NEGR1: variants seen among roughly 807,000 people sequenced by gnomAD.
NEGR1 encodes neuronal growth regulator 1, also known as IgLON family member 4.
A neutral mutation model predicts 40.9 loss-of-function variants in NEGR1; 10 were observed. The ratio of observed to expected loss-of-function variants is 0.24; its 90% CI spans 0.15 to 0.42. NEGR1 has a LOEUF of 0.42. Among genes scored for constraint, NEGR1 ranks in the 10% least tolerant of loss-of-function variants. The probability of loss-of-function intolerance (pLI) is 1.00; values close to 1 mark genes in which losing one functional copy is unlikely to be tolerated. For synonymous variants in NEGR1, 185 were observed against 166.8 expected, an observed-to-expected ratio of 1.11 and a Z score of -0.84; for missense variants, 352 against 438.9, an observed-to-expected ratio of 0.80 and a Z score of 1.77.
intron 1 of NEGR1, among the ~76,000 whole-genome samples, chr1:72,109,274 C>T (rs1649259558): frequency 6.6e-6 from 1 of 151,664 alleles, no homozygotes. Context: ...TTTGCTATTA[C>T]TTCTCTCCGT....
intron 1 of NEGR1, among the ~76,000 whole-genome samples, chr1:71,985,397 C>T (rs1646385960): frequency 6.6e-6 from 1 of 152,078 alleles, no homozygotes; most frequent in Admixed American, 6.6e-5. Flanking sequence ...CTGTGGTAAG[C>T]ACTTTATGTG....
At chr1:71,556,699 CCA>C (rs1557565433) in intron 6 of NEGR1, among the ~76,000 whole-genome samples, 1 of 150,748 alleles carries the variant, frequency 6.6e-6, no homozygotes, top group Non-Finnish European at 1.5e-5. Flanking sequence ...ACTCACACTG[CCA>C]CACTCAGAGA....
At chr1:72,034,572 A>C (rs1023938089) in intron 1 of NEGR1, among the ~76,000 whole-genome samples, 2 of 152,198 alleles carry the variant, frequency 1.3e-5, no homozygotes, top group African/African-American at 4.8e-5. Context: ...AAGCAGGTAA[A>C]AAAATATCTT....
intron 4 of NEGR1, among the ~76,000 whole-genome samples, chr1:71,680,659 A>G (rs1393439345): frequency 2.0e-5 from 3 of 152,158 alleles, no homozygotes; most frequent in Non-Finnish European, 2.9e-5. Flanking sequence ...TCCTAATGAT[A>G]TAAGGCTGTT....
intron 3 of NEGR1, among the ~76,000 whole-genome samples, chr1:71,699,849 A>G (rs954989436): frequency 1.6e-4 from 24 of 151,932 alleles, no homozygotes; most frequent in African/African-American, 5.5e-4. Flanking sequence ...CATAATAGTG[A>G]ATAAGTCTCA....
At chr1:72,219,975 T>G (rs1353380233) in intron 1 of NEGR1, among the ~76,000 whole-genome samples, 1 of 152,076 alleles carries the variant, frequency 6.6e-6, no homozygotes, top group African/African-American at 2.4e-5. Flanking sequence ...AGGTAAGATC[T>G]ACCTACTGTC....
At chr1:71,750,995 C>A (rs1379247260) in intron 3 of NEGR1, among the ~76,000 whole-genome samples, 4 of 151,904 alleles carry the variant, frequency 2.6e-5, no homozygotes, top group Admixed American at 6.6e-5. Context: ...GTGCAAAATA[C>A]CTTAGTGATG....
intron 3 of NEGR1, among the ~76,000 whole-genome samples, chr1:71,709,803 C>T (rs1204661028): frequency 6.6e-6 from 1 of 152,190 alleles, no homozygotes; most frequent in Non-Finnish European, 1.5e-5. Flanking sequence ...AGGCATTGGT[C>T]TGGGCAAACA....
chr1:71,666,321 G>A (rs898446124), intron 4 of NEGR1, among the ~76,000 whole-genome samples: 3 of 152,062 alleles, frequency 2.0e-5, no homozygotes, highest in African/African-American at 4.8e-5. Flanking sequence ...GGTCTCAAAC[G>A]AAAATAATTC....
intron 1 of NEGR1, among the ~76,000 whole-genome samples, chr1:72,268,675 A>G (rs1351585885): frequency 6.6e-6 from 1 of 151,584 alleles, no homozygotes; most frequent in Non-Finnish European, 1.5e-5. Context: ...AGAAAAATTA[A>G]AAATCAATTC....
At chr1:71,754,601 C>G (rs1425112476) in intron 3 of NEGR1, among the ~76,000 whole-genome samples, 1 of 152,070 alleles carries the variant, frequency 6.6e-6, no homozygotes, top group East Asian at 1.9e-4. Flanking sequence ...AAATATCCCA[C>G]TTTTCTTCTC....
At chr1:71,837,982 G>A (rs1025124232) in intron 2 of NEGR1, among the ~76,000 whole-genome samples, 1 of 151,988 alleles carries the variant, frequency 6.6e-6, no homozygotes, top group Non-Finnish European at 1.5e-5. Context: ...AATTAAGACT[G>A]ACAAAATGTA....
intron 3 of NEGR1, among the ~76,000 whole-genome samples, chr1:71,773,452 G>A (rs967076865): frequency 2.0e-5 from 3 of 152,078 alleles, no homozygotes; most frequent in African/African-American, 7.2e-5. Context: ...CTGAGAACAT[G>A]CAAAATATTG....
At chr1:71,426,882 T>G (rs1646432207) in intron 6 of NEGR1, among the ~76,000 whole-genome samples, 1 of 152,158 alleles carries the variant, frequency 6.6e-6, no homozygotes, top group Non-Finnish European at 1.5e-5. Flanking sequence ...TAATGGAGTG[T>G]GACAATGTGA....
chr1:71,674,097 G>A (rs6679523), intron 4 of NEGR1, among the ~76,000 whole-genome samples: 149,738 of 152,276 alleles, frequency 0.98, 73,660 homozygotes, highest in Middle Eastern at 1. Context: ...TTTCTCAAAA[G>A]TCATATGCTG....
intron 1 of NEGR1, among the ~76,000 whole-genome samples, chr1:72,156,901 T>G (rs969205912): frequency 6.6e-6 from 1 of 152,090 alleles, no homozygotes; most frequent in Non-Finnish European, 1.5e-5. Flanking sequence ...TTACTCATTC[T>G]ATTCTATATA....
At chr1:72,281,806 G>A (rs1257827472) in intron 1 of NEGR1, among the ~76,000 whole-genome samples, 1 of 152,086 alleles carries the variant, frequency 6.6e-6, no homozygotes, top group Non-Finnish European at 1.5e-5. Flanking sequence ...ATAAGAGAAT[G>A]AGGAAGGAGA....
chr1:71,712,927 T>C (rs1654153068), intron 3 of NEGR1, among the ~76,000 whole-genome samples: 1 of 152,214 alleles, frequency 6.6e-6, no homozygotes, highest in Non-Finnish European at 1.5e-5. Flanking sequence ...TCTGCCACAA[T>C]TGTAAGTTTC....
At chr1:71,606,331 G>A (rs1456555382) in intron 5 of NEGR1, among the ~76,000 whole-genome samples, 1 of 152,094 alleles carries the variant, frequency 6.6e-6, no homozygotes, top group Non-Finnish European at 1.5e-5. Flanking sequence ...AGTCATCTTG[G>A]AAGCAGATTC....
Sources: allele counts gnomAD v4.1 joint callset (sites outside exome capture counted in the v4.1 genomes callset), GRCh38; gene constraint gnomAD v4.1.1; transcripts MANE v1.5; gene names NCBI Gene and HGNC (gene_info 2026-07-23, HGNC 2026-07-21).